Variants in RBMS3 observed in about 807,000 individuals in gnomAD.
The protein encoded by RBMS3 is RNA-binding motif, single-stranded-interacting protein 3.
RBMS3 carries 27 observed loss-of-function variants against 66.8 expected under a neutral mutation model. The ratio of observed to expected loss-of-function variants is 0.40; its 90% confidence interval spans 0.30 to 0.56. The LOEUF is 0.56. Among genes scored for constraint, RBMS3 ranks in the 20% least tolerant of loss-of-function variants. The pLI is 0.40. For missense variants in RBMS3, 513 were observed against 549.5 expected, an observed-to-expected ratio of 0.93 and a Z score of 0.66; for synonymous variants, 188 against 183.0, an observed-to-expected ratio of 1.03 and a Z score of -0.22.
intron 1 of RBMS3, among the ~76,000 whole-genome samples, chr3:29,307,153 T>C (rs2125457573): frequency 6.6e-6 from 1 of 152,058 alleles, no homozygotes; most frequent in South Asian, 2.1e-4. Flanking sequence ...AATTCTGTCC[T>C]CTCAATCATT....
At chr3:29,862,841 T>A (rs1551038) in intron 6 of RBMS3, among the ~76,000 whole-genome samples, 27,920 of 144,074 alleles carry the variant, frequency 0.19, 3,258 homozygotes, top group African/African-American at 0.35. Flanking sequence ...ACAGAGCAAG[T>A]CTCTGTCTCA....
At chr3:29,833,265 CAAGA>C (rs908929187) in intron 6 of RBMS3, among the ~76,000 whole-genome samples, 8 of 152,080 alleles carry the variant, frequency 5.3e-5, no homozygotes, top group Admixed American at 2.6e-4. Context: ...ATTAAATAAT[CAAGA>C]AATATGATAC....
chr3:29,691,741 T>G (rs2052017162), intron 4 of RBMS3, among the ~76,000 whole-genome samples: 2 of 152,166 alleles, frequency 1.3e-5, no homozygotes, highest in Non-Finnish European at 2.9e-5. Context: ...GACTCATAAT[T>G]CTGCCCTAGA....
In RBMS3 at chr3:30,005,883, G is replaced by T. The variant is rs1188602915; in HGVS notation, c.*2021G>T. On this transcript the variant is annotated 3_prime_UTR_variant, in exon 15 of 15. Coordinates refer to ENST00000383767, the MANE Select transcript of RBMS3 (RefSeq NM_001003793.3). ...AATAAGAACCAAAAGAATTAGGTTTGATCAATCATTTAAGCCAAGGAGGAA... is the reference window on the plus strand; with the variant it reads ...AATAAGAACCAAAAGAATTAGGTTTTATCAATCATTTAAGCCAAGGAGGAA... 1.3e-5 allele frequency: 2 copies of T among 151,776 alleles called. No individual in the cohort carries two copies. Among genetic ancestry groups the T allele is most frequent in the African/African-American group, 2.4e-5 (1 of 41,394 alleles). The allele number at this position is 151,776 out of a possible 1,614,324, so 9.4% of individuals were successfully genotyped here.
rs144369511 is a variant in RBMS3 at position 29,935,145 on chromosome 3, T to G, written c.940-941T>G. On this transcript the variant is annotated intron_variant, in intron 10 of 14. Coordinates refer to ENST00000383767, the MANE Select transcript of RBMS3 (RefSeq NM_001003793.3). ...AAAGATTCCATCCAATTCAAGCTTT[T>G]TAAGTTTGTTTTTTAAAAATATTTT... Among the ~76,000 whole-genome samples the G allele has an allele frequency of 4.5e-3, 689 of 152,210 alleles. 3 individuals are homozygous for G. The highest frequency in any genetic ancestry group is 0.016 in the African/African-American group (660 of 41,548).
At chr3:29,549,642 C>T (rs749235766) in intron 3 of RBMS3, among the ~76,000 whole-genome samples, 19 of 152,092 alleles carry the variant, frequency 1.2e-4, no homozygotes, top group Non-Finnish European at 1.8e-4. Context: ...TCAGGTGATT[C>T]GCTCGCTTCA....
At chr3:29,699,610 CT>C (rs923012165) in intron 4 of RBMS3, among the ~76,000 whole-genome samples, 1 of 152,058 alleles carries the variant, frequency 6.6e-6, no homozygotes, top group Non-Finnish European at 1.5e-5. Flanking sequence ...CTCATGTAGC[CT>C]TTTTTTCTCA....
intron 6 of RBMS3, among the ~76,000 whole-genome samples, chr3:29,849,190 G>GTGTGTGTGTGTGTGTT (rs1180039172): frequency 6.6e-6 from 1 of 151,630 alleles, no homozygotes; most frequent in Non-Finnish European, 1.5e-5. Context: ...GTGTGTGTGT[G>GTGTGTGTGTGTGTGTT]TGTGTGTGTG....
At chr3:29,971,699 A>G (rs1448558867) in intron 12 of RBMS3, among the ~76,000 whole-genome samples, 2 of 152,120 alleles carry the variant, frequency 1.3e-5, no homozygotes, top group Non-Finnish European at 2.9e-5. Context: ...CGAATTAGGC[A>G]TGGTCTTTCT....
intron 2 of RBMS3, among the ~76,000 whole-genome samples, chr3:29,482,743 T>C (rs1166076459): frequency 3.1e-5 from 4 of 128,958 alleles, no homozygotes; most frequent in Non-Finnish European, 4.7e-5. Flanking sequence ...AGTGTCGCTC[T>C]GTCACCCAGG....
chr3:29,606,256 G>T (rs1013096630), intron 4 of RBMS3, among the ~76,000 whole-genome samples: 2 of 151,806 alleles, frequency 1.3e-5, no homozygotes, highest in Non-Finnish European at 2.9e-5. Context: ...TATGATTGAT[G>T]TTTAAAGACC....
intron 4 of RBMS3, among the ~76,000 whole-genome samples, chr3:29,690,972 G>A (rs770710226): frequency 6.6e-6 from 1 of 152,162 alleles, no homozygotes; most frequent in African/African-American, 2.4e-5. Flanking sequence ...GTGCTTAAGA[G>A]GGTTTTTATA....
Position 29,997,706 on chromosome 3 carries a change from C to G in RBMS3, c.1308-6150C>G, listed in dbSNP as rs948691952. ...CAATAGATGCAGAAAAAGCCTTTGA[C>G]AAAATTCAACAACCCTTCATGCTAA... On this transcript the variant is annotated intron_variant, in intron 14 of 14. Transcript: ENST00000383767. Among the ~76,000 whole-genome samples the G allele has an allele frequency of 3.3e-5, 5 of 151,856 alleles. No individual in the cohort carries two copies. In the East Asian group the frequency reaches 9.7e-4, roughly 29 times the overall value.
At chr3:29,440,882 A>G (rs2041594052) in intron 2 of RBMS3, among the ~76,000 whole-genome samples, 1 of 152,246 alleles carries the variant, frequency 6.6e-6, no homozygotes, top group African/African-American at 2.4e-5. Flanking sequence ...TTTAAAAGTA[A>G]CCTTGTCACA....
At chr3:29,332,851 A>G (rs948655362) in intron 1 of RBMS3, among the ~76,000 whole-genome samples, 2 of 152,310 alleles carry the variant, frequency 1.3e-5, no homozygotes, top group African/African-American at 4.8e-5. Flanking sequence ...CTTCTGTTGC[A>G]TGTTCCTCCA....
chr3:29,414,674 G>A (rs569468654), intron 1 of RBMS3, among the ~76,000 whole-genome samples: 17 of 152,148 alleles, frequency 1.1e-4, no homozygotes, highest in African/African-American at 3.9e-4. Flanking sequence ...AATCAGCCTC[G>A]CGACACACTG....
intron 4 of RBMS3, among the ~76,000 whole-genome samples, chr3:29,730,517 T>A (rs1211892013): frequency 6.6e-6 from 1 of 152,180 alleles, no homozygotes; most frequent in African/African-American, 2.4e-5. Context: ...TGTGTTATGG[T>A]GATTATTTCA....
intron 14 of RBMS3, among the ~76,000 whole-genome samples, chr3:30,003,057 T>A (rs1376037916): frequency 6.6e-6 from 1 of 152,040 alleles, no homozygotes; most frequent in Non-Finnish European, 1.5e-5. Flanking sequence ...GGCCTTCAGC[T>A]AAATGTAACT....
intron 1 of RBMS3, among the ~76,000 whole-genome samples, chr3:29,294,176 T>C (rs1383576942): frequency 6.6e-6 from 1 of 151,872 alleles, no homozygotes; most frequent in African/African-American, 2.4e-5. Flanking sequence ...TTTGTGTGTC[T>C]TGTACATTGG....
Sources: gnomAD v4.1 joint callset for allele counts (sites outside exome capture counted in the v4.1 genomes callset) on GRCh38, gnomAD v4.1.1 for gene constraint, MANE v1.5 for transcripts, NCBI Gene and HGNC (gene_info 2026-07-23, HGNC 2026-07-21) for gene names.